The following PATJ variants were observed in gnomAD, a reference collection of about 807,000 sequenced individuals.
PATJ encodes the protein PATJ crumbs cell polarity complex component.
Under a neutral mutation model 224.9 loss-of-function variants are expected in PATJ, and 190 were observed. The ratio of observed to expected loss-of-function variants is 0.84; its 90% CI spans 0.75 to 0.95. The LOEUF is 0.95. PATJ is among the 40% of genes least tolerant of loss of function. PATJ has a pLI of 0.00. For synonymous variants in PATJ, 769 were observed against 820.3 expected (o/e 0.94, Z 1.07); for missense variants, 2,121 against 2,270.3 (o/e 0.93, Z 1.34).
At chr1:61,929,444 GCTTTTGAAGAGCT>G (rs1243867915) in intron 27 of PATJ, among the ~76,000 whole-genome samples, 3 of 152,146 alleles carry the variant, frequency 2.0e-5, no homozygotes, top group Non-Finnish European at 4.4e-5. Flanking sequence ...AGGAGAAAAA[GCTTTTGAAGAGCT>G]TAGTACAGGC....
intron 36 of PATJ, 126 bp downstream of exon 36, chr1:62,116,805 T>C: frequency 1.1e-6 from 1 of 894,042 alleles, no homozygotes; most frequent in South Asian, 2.0e-5. Context: ...AGAAATTTAA[T>C]CTCTGATTAT....
At chr1:61,749,141 ATTT>A (rs767004758) in intron 1 of PATJ, among the ~76,000 whole-genome samples, 1 of 136,530 alleles carries the variant, frequency 7.3e-6, no homozygotes, top group Non-Finnish European at 1.6e-5. Context: ...ACGCCCAGCT[ATTT>A]TTTTTTTTTT....
At chr1:62,004,814 G>A (rs886252703) in intron 28 of PATJ, among the ~76,000 whole-genome samples, 9 of 152,254 alleles carry the variant, frequency 5.9e-5, no homozygotes, top group East Asian at 5.8e-4. Context: ...TCCCACCAGC[G>A]ATATGATCAT....
At chr1:61,876,381 T>C (rs76267708) in intron 21 of PATJ, among the ~76,000 whole-genome samples, 6,621 of 152,262 alleles carry the variant, frequency 0.043, 186 homozygotes, top group Non-Finnish European at 0.058. Context: ...TCCAGGTATA[T>C]TGCTTTCTAA....
At chr1:61,794,394 C>T (rs937189915) in intron 9 of PATJ, among the ~76,000 whole-genome samples, 1 of 152,160 alleles carries the variant, frequency 6.6e-6, no homozygotes, top group African/African-American at 2.4e-5. Context: ...ATCCTCCCCC[C>T]TCAGCCTCCC....
At chr1:61,827,061 G>A (rs1445506791) in intron 15 of PATJ, among the ~76,000 whole-genome samples, 2 of 152,132 alleles carry the variant, frequency 1.3e-5, no homozygotes, top group African/African-American at 4.8e-5. Context: ...GTGTGTTTAA[G>A]GGGAGCTGAG....
intron 33 of PATJ, among the ~76,000 whole-genome samples, chr1:62,100,948 A>G (rs1662081051): frequency 6.6e-6 from 1 of 152,194 alleles, no homozygotes; most frequent in African/African-American, 2.4e-5. Flanking sequence ...GGAAGGTGTT[A>G]TAGAAGAGGT....
intron 37 of PATJ, among the ~76,000 whole-genome samples, chr1:62,119,418 T>C (rs760942034): frequency 1.3e-5 from 2 of 152,162 alleles, no homozygotes; most frequent in Non-Finnish European, 2.9e-5. Context: ...AATAGGGAGA[T>C]CAATGCCTTC....
At chr1:61,812,381 A>ACT (rs1320486088) in intron 14 of PATJ, among the ~76,000 whole-genome samples, 2 of 35,244 alleles carry the variant, frequency 5.7e-5, no homozygotes, top group African/African-American at 7.8e-5. Context: ...AGAGAGAGAG[A>ACT]GAGAGAGAGA....
intron 22 of PATJ, among the ~76,000 whole-genome samples, chr1:61,888,103 C>T (rs1669128777): frequency 6.6e-6 from 1 of 152,100 alleles, no homozygotes; most frequent in Non-Finnish European, 1.5e-5. Flanking sequence ...AAAAGCCAGG[C>T]CGGTATGCAG....
chr1:61,770,817 G>A (rs1038462387), intron 5 of PATJ, among the ~76,000 whole-genome samples: 3 of 151,916 alleles, frequency 2.0e-5, no homozygotes, highest in Non-Finnish European at 4.4e-5. Flanking sequence ...GACTGAGGTG[G>A]GAGAATCACC....
At chr1:62,039,247 G>T in intron 30 of PATJ, 1 of 344,168 alleles carries the variant, frequency 2.9e-6, no homozygotes. Context: ...ATTTACTTAA[G>T]AGTAAATTGC....
At chr1:61,905,067 A>G (rs1401053473) in intron 24 of PATJ, among the ~76,000 whole-genome samples, 1 of 129,156 alleles carries the variant, frequency 7.7e-6, no homozygotes, top group Non-Finnish European at 1.6e-5. Flanking sequence ...CAAAGAAACT[A>G]CCACTTTCTT....
At chr1:61,835,279 CTT>C (rs1169915201) in intron 17 of PATJ, among the ~76,000 whole-genome samples, 2 of 151,944 alleles carry the variant, frequency 1.3e-5, no homozygotes, top group Non-Finnish European at 2.9e-5. Context: ...GGCAGGGACT[CTT>C]TTTTTTCCTT....
chr1:62,133,525 T>A (rs547414837), intron 41 of PATJ, among the ~76,000 whole-genome samples: 1 of 152,214 alleles, frequency 6.6e-6, no homozygotes, highest in African/African-American at 2.4e-5. Flanking sequence ...GAGGTTGCAG[T>A]AGCCGAGATT....
chr1:61,761,065 A>G (rs1645942700), intron 1 of PATJ, among the ~76,000 whole-genome samples: 1 of 151,912 alleles, frequency 6.6e-6, no homozygotes, highest in South Asian at 2.1e-4. Context: ...TGTAACCTCA[A>G]CCTCCTGGGC....
Position 62,162,665 on chromosome 1 carries a change from A to G in PATJ, c.*1611A>G, listed in dbSNP as rs1269258767. The G allele has an allele frequency of 6.5e-6, 1 of 154,240 alleles. No homozygotes were observed. The highest frequency in any genetic ancestry group is 2.4e-5 in the African/African-American group (1 of 41,452). The allele number at this position is 154,240 out of a possible 1,614,324, so 9.6% of individuals were successfully genotyped here. Reference sequence around the variant, plus strand: ...AGAGTCCTCTGTTTTTAAAAGTACCATGGCCGGGTGCAGTGGCTCACGCCT... The same window carrying G: ...AGAGTCCTCTGTTTTTAAAAGTACCGTGGCCGGGTGCAGTGGCTCACGCCT... On this transcript the variant is annotated 3_prime_UTR_variant, in exon 44 of 44. Coordinates refer to ENST00000642238, the MANE Select transcript of PATJ (RefSeq NM_001350145.3).
At chr1:62,055,278 C>T (rs141734929) in intron 31 of PATJ, among the ~76,000 whole-genome samples, 391 of 152,266 alleles carry the variant, frequency 2.6e-3, no homozygotes, top group African/African-American at 9.0e-3. Context: ...AGCTTGCTGA[C>T]ATCGGAGCTC....
chr1:62,064,870 CT>C (rs1558117995), intron 31 of PATJ, among the ~76,000 whole-genome samples: 1 of 152,112 alleles, frequency 6.6e-6, no homozygotes, highest in Non-Finnish European at 1.5e-5. Flanking sequence ...CTGTGCAAAC[CT>C]TTTTTTCTGT....
Sources: allele counts gnomAD v4.1 joint callset (sites outside exome capture counted in the v4.1 genomes callset), GRCh38; gene constraint gnomAD v4.1.1; transcripts MANE v1.5; gene names NCBI Gene and HGNC (gene_info 2026-07-23, HGNC 2026-07-21).